Variants in NCAM1 observed in about 807,000 individuals in gnomAD.
NCAM1 encodes the protein neural cell adhesion molecule 1, also known as antigen recognized by monoclonal antibody 5.1H11.
Under a neutral mutation model 109.8 loss-of-function variants are expected in NCAM1, and 14 were observed. The ratio of observed to expected loss-of-function variants is 0.13; its 90% CI spans 0.08 to 0.20. The LOEUF (loss-of-function observed/expected upper bound fraction) is 0.20. NCAM1 is among the 10% of genes least tolerant of loss of function. NCAM1 has a pLI of 1.00. For synonymous variants in NCAM1, 418 were observed against 442.9 expected (o/e 0.94, Z 0.70); for missense variants, 774 against 1,109.9 (o/e 0.70, Z 4.30).
At chr11:112,995,777 T>A (rs1951577663) in intron 1 of NCAM1, among the ~76,000 whole-genome samples, 1 of 152,216 alleles carries the variant, frequency 6.6e-6, no homozygotes, top group Non-Finnish European at 1.5e-5. Context: ...GAGCCTGCTG[T>A]GAAGATCTTT....
intron 1 of NCAM1, among the ~76,000 whole-genome samples, chr11:113,114,198 C>G (rs934136048): frequency 3.3e-5 from 5 of 152,200 alleles, no homozygotes; most frequent in African/African-American, 7.2e-5. Flanking sequence ...CCACTTGTGC[C>G]AGGCCCCAAA....
chr11:113,101,407 T>G (rs1939867012), intron 1 of NCAM1, among the ~76,000 whole-genome samples: 1 of 152,228 alleles, frequency 6.6e-6, no homozygotes, highest in African/African-American at 2.4e-5. Context: ...ATGGTTATTT[T>G]CCTTTGTTAC....
At chr11:112,983,309 C>G (rs1951203087) in intron 1 of NCAM1, among the ~76,000 whole-genome samples, 1 of 151,704 alleles carries the variant, frequency 6.6e-6, no homozygotes, top group Non-Finnish European at 1.5e-5. Context: ...GATTTCAAAT[C>G]TTTAGGCATT....
chr11:113,149,875 C>G (rs1039142284), intron 1 of NCAM1, among the ~76,000 whole-genome samples: 1 of 152,120 alleles, frequency 6.6e-6, no homozygotes, highest in Non-Finnish European at 1.5e-5. Flanking sequence ...TTGTGGACTT[C>G]TTTTATTGAC....
chr11:113,099,762 C>G (rs1939783542), intron 1 of NCAM1, among the ~76,000 whole-genome samples: 1 of 152,106 alleles, frequency 6.6e-6, no homozygotes, highest in Non-Finnish European at 1.5e-5. Context: ...GATCTCAGCT[C>G]ACTGCGACCT....
intron 1 of NCAM1, among the ~76,000 whole-genome samples, chr11:113,022,224 G>A (rs1555076378): frequency 6.6e-6 from 1 of 152,184 alleles, no homozygotes; most frequent in African/African-American, 2.4e-5. Flanking sequence ...GTCTAATTCT[G>A]TGGTTCATGG....
chr11:113,038,490 A>G (rs955403555), intron 1 of NCAM1, among the ~76,000 whole-genome samples: 4 of 152,140 alleles, frequency 2.6e-5, no homozygotes, highest in Non-Finnish European at 5.9e-5. Flanking sequence ...TTCTCGTCTT[A>G]TCTCCCTACT....
intron 1 of NCAM1, among the ~76,000 whole-genome samples, chr11:113,199,620 C>T (rs56222908): frequency 1.2e-3 from 152 of 127,782 alleles, no homozygotes; most frequent in African/African-American, 4.3e-3. Flanking sequence ...ACATCACGCT[C>T]TGGGGACTGT....
intron 1 of NCAM1, among the ~76,000 whole-genome samples, chr11:113,074,357 G>T (rs1938433497): frequency 6.6e-6 from 1 of 152,184 alleles, no homozygotes; most frequent in African/African-American, 2.4e-5. Flanking sequence ...TGGCAGAAGG[G>T]TGCACCTGAG....
At chr11:112,988,567 T>C (rs985485456) in intron 1 of NCAM1, among the ~76,000 whole-genome samples, 7 of 152,148 alleles carry the variant, frequency 4.6e-5, no homozygotes, top group Non-Finnish European at 1.0e-4. Flanking sequence ...GTGTTCTTGA[T>C]TGGCACTTTT....
intron 1 of NCAM1, among the ~76,000 whole-genome samples, chr11:113,143,757 T>A (rs1174785604): frequency 6.6e-6 from 1 of 152,162 alleles, no homozygotes; most frequent in East Asian, 1.9e-4. Context: ...TTAGTCCTGA[T>A]AAAAACTGTG....
intron 1 of NCAM1, among the ~76,000 whole-genome samples, chr11:113,027,937 C>T (rs1555077684): frequency 6.6e-6 from 1 of 151,980 alleles, no homozygotes; most frequent in Admixed American, 6.6e-5. Context: ...ATGAAACCAG[C>T]CAGGCACAGA....
rs897624187 is a variant in NCAM1, at chr11:113,203,813, C to G, written c.128-473C>G. On this transcript the variant is annotated intron_variant, in intron 2 of 19. Coordinates refer to ENST00000316851, the MANE Select transcript of NCAM1 (RefSeq NM_181351.5). ...TTGGAATCTGCACTCCTATACTAGC[C>G]AGTATTTCTCGCCTTCATCTCAGGA... Among the ~76,000 whole-genome samples, 6 of 152,206 alleles carry G rather than the reference C, an allele frequency of 3.9e-5. No individual in the cohort carries two copies. In the East Asian group the frequency reaches 1.2e-3, roughly 29 times the overall value.
chr11:113,276,138 G>A lies in NCAM1; in HGVS notation c.*751G>A, dbSNP rs1946396623. 1 of 152,296 alleles carries A rather than the reference G, an allele frequency of 6.6e-6. No individual in the cohort carries two copies. Among genetic ancestry groups the A allele is most frequent in the South Asian group, 2.1e-4 (1 of 4,800 alleles). The allele number at this position is 152,296 out of a possible 1,614,324, so 9.4% of individuals were successfully genotyped here. A position where few individuals can be genotyped will look rare whatever the true frequency, so the allele number is the denominator to read the frequency against. ...ACAAGGTGACAAATGTTTGACTTTG[G>A]TTGTGTTTAAATGTCCGTGTAAAAT... is the stretch of plus-strand genomic sequence containing the variant. On this transcript the variant is annotated 3_prime_UTR_variant, in exon 20 of 20. Transcript: ENST00000316851.
At position 113,278,003 on chromosome 11, in the gene NCAM1, AATGTCTAT is replaced by A. The variant is rs1346332922; in HGVS notation, c.*2617_*2624del. 1.4e-4 allele frequency: 21 copies of A among 152,262 alleles called. No homozygotes were observed. Among genetic ancestry groups the A allele is most frequent in the African/African-American group, 4.3e-4 (18 of 41,536 alleles). The allele number at this position is 152,262 out of a possible 1,614,324, so 9.4% of individuals were successfully genotyped here. A position where few individuals can be genotyped will look rare whatever the true frequency, so the allele number is the denominator to read the frequency against. ...GAAGGAGGGATCAACTCCAGTTTCC[AATGTCTAT>A]GTGTCTATGTGTGTATGTGCCATAC... is the stretch of plus-strand genomic sequence containing the variant. On this transcript the variant is annotated 3_prime_UTR_variant, in exon 20 of 20. Coordinates refer to ENST00000316851, the MANE Select transcript of NCAM1 (RefSeq NM_181351.5).
chr11:113,086,856 CATA>C (rs1444333096), intron 1 of NCAM1, among the ~76,000 whole-genome samples: 5 of 152,052 alleles, frequency 3.3e-5, no homozygotes, highest in African/African-American at 1.2e-4. Flanking sequence ...GGATATAAAT[CATA>C]ATCTCAATAC....
chr11:113,161,806 G>GGA (rs1180959023), intron 1 of NCAM1, among the ~76,000 whole-genome samples: 4 of 152,126 alleles, frequency 2.6e-5, no homozygotes, highest in African/African-American at 4.8e-5. Flanking sequence ...CAGAACTGAG[G>GGA]GAGAAGAGAA....
chr11:113,221,419 A>G (rs1259700779), intron 9 of NCAM1, 94 bp downstream of exon 9: 2 of 1,311,148 alleles, frequency 1.5e-6, no homozygotes, highest in Non-Finnish European at 2.1e-6. Flanking sequence ...TGCTAAACTA[A>G]TTAGTAATTT....
intron 1 of NCAM1, among the ~76,000 whole-genome samples, chr11:113,032,452 C>T (rs1952751067): frequency 6.6e-6 from 1 of 152,124 alleles, no homozygotes. Flanking sequence ...CCCCTGCATC[C>T]CGTCGGCTGA....
Sources: allele counts gnomAD v4.1 joint callset (sites outside exome capture counted in the v4.1 genomes callset), GRCh38; gene constraint gnomAD v4.1.1; transcripts MANE v1.5; gene names NCBI Gene and HGNC (gene_info 2026-07-23, HGNC 2026-07-21).